NSMCE4A: variants seen among roughly 807,000 people sequenced by gnomAD.
NSMCE4A encodes non-structural maintenance of chromosomes element 4 homolog A.
NSMCE4A carries 40 observed loss-of-function variants against 47.9 expected under a neutral mutation model. That is an observed-to-expected ratio of 0.83 (90% CI 0.65 to 1.09). The LOEUF is 1.09. Among genes scored for constraint, NSMCE4A ranks in the 50% least tolerant of loss-of-function variants. The pLI, the probability that NSMCE4A is intolerant of heterozygous loss-of-function variation, is 0.00. For synonymous variants in NSMCE4A, 166 were observed against 178.5 expected, an observed-to-expected ratio of 0.93 and a Z score of 0.56; for missense variants, 500 against 507.0, an observed-to-expected ratio of 0.99 and a Z score of 0.13.
chr10:121,962,198 C>G (rs1952514341), intron 6 of NSMCE4A: 1 of 306,164 alleles, frequency 3.3e-6, no homozygotes, highest in Admixed American at 4.4e-5. Context: ...GTGGGTGGAT[C>G]ACAAGGTCAG....
intron 3 of NSMCE4A, among the ~76,000 whole-genome samples, chr10:121,969,524 A>C (rs1952668476): frequency 6.6e-6 from 1 of 151,536 alleles, no homozygotes; most frequent in Non-Finnish European, 1.5e-5. Context: ...AAAAAAGGAA[A>C]AGGTTTGAAA....
intron 5 of NSMCE4A, 129 bp downstream of exon 5, chr10:121,965,157 A>T: frequency 1.6e-6 from 1 of 615,468 alleles, no homozygotes; most frequent in Non-Finnish European, 2.9e-6. Flanking sequence ...AAATAAAATG[A>T]TTATTTAAGT....
At position 121,974,973 on chromosome 10, in the gene NSMCE4A, C is replaced by T. The variant is rs770128974; in HGVS notation, c.193G>A (p.Asp65Asn). 4 of 1,526,576 alleles carry T rather than the reference C, an allele frequency of 2.6e-6. No homozygotes were observed. In the East Asian group the frequency reaches 8.2e-5, roughly 31 times the overall value. The allele number at this position is 1,526,576 out of a possible 1,614,324, so 94.6% of individuals were successfully genotyped here. A position where few individuals can be genotyped will look rare whatever the true frequency, so the allele number is the denominator to read the frequency against. Residue 65 changes from aspartate to asparagine, a missense_variant, in exon 1 of 11, where the codon GAC becomes AAC. Asp to Asn is a conservative substitution (Grantham distance 23). Transcript: ENST00000369023. Reference protein sequence around the residue: ...LEDTEPSDSGDEMMDPASLEA... With the variant: ...LEDTEPSDSGNEMMDPASLEA... ...AAGCTGGCCGGGTCCATCATCTCGTCCCCGGAATCCGACGGCTCTGTGTCC... is the reference window on the plus strand; with the variant it reads ...AAGCTGGCCGGGTCCATCATCTCGTTCCCGGAATCCGACGGCTCTGTGTCC...
chr10:121,963,010 T>C (rs1952530021), intron 6 of NSMCE4A, among the ~76,000 whole-genome samples: 1 of 152,226 alleles, frequency 6.6e-6, no homozygotes, highest in Non-Finnish European at 1.5e-5. Flanking sequence ...CTCACTTGAA[T>C]GGCATATTTC....
chr10:121,959,425 T>C lies in NSMCE4A; in HGVS notation c.1084-15A>G. 6.2e-7 allele frequency: 1 copy of C among 1,614,056 alleles called. No homozygotes were observed. The highest frequency in any genetic ancestry group is 8.5e-7 in the Non-Finnish European group (1 of 1,179,928). The stretch of plus-strand genomic sequence containing the variant: ...TTCACAATCTCCTGGCAGACAATAA[T>C]GAACATTTAGGCACTGGGCTTACTG... On this transcript the variant is annotated splice_polypyrimidine_tract_variant and intron_variant, in intron 9 of 10. Transcript: ENST00000369023.
chr10:121,972,363 A>G (rs553807074), intron 2 of NSMCE4A, among the ~76,000 whole-genome samples: 29 of 152,246 alleles, frequency 1.9e-4, no homozygotes, highest in Admixed American at 1.6e-3. Flanking sequence ...GGGTCTGATT[A>G]AGCAACCCCC....
chr10:121,961,493 T>A lies in NSMCE4A; in HGVS notation c.869A>T (p.Asp290Val). 1 of 1,564,126 alleles carries A rather than the reference T, an allele frequency of 6.4e-7. No homozygotes were observed. Among genetic ancestry groups the A allele is most frequent in the Non-Finnish European group, 8.6e-7 (1 of 1,165,402 alleles). ...EDPDTPMSFF[D>V]FVVDPHSFPR... ...GAAAGAATGAGGATCAACCACAAAG[T>A]CAAAGAAGGACATTGGGGTATCAGC... Residue 290 changes from aspartate (D) to valine (V), a missense_variant, in exon 7 of 11, where the codon GAC becomes GTC. Coordinates refer to ENST00000369023, the MANE Select transcript of NSMCE4A (RefSeq NM_017615.3).
intron 5 of NSMCE4A, among the ~76,000 whole-genome samples, chr10:121,964,513 G>A (rs1029371660): frequency 4.0e-5 from 6 of 151,864 alleles, no homozygotes; most frequent in African/African-American, 9.7e-5. Context: ...GCATGATCTC[G>A]GCTCAGTGCA....
intron 6 of NSMCE4A, chr10:121,961,790 A>G (rs751637938): frequency 3.0e-5 from 10 of 337,102 alleles, no homozygotes; most frequent in Non-Finnish European, 5.3e-5. Context: ...AATTTATACA[A>G]GAGTAAAATG....
rs1476458505 is a variant in NSMCE4A at position 121,960,928 on chromosome 10, AG to A, written c.939+494del. 6.6e-6 allele frequency among the ~76,000 whole-genome samples: 1 copy of A among 152,206 alleles called. No homozygotes were observed. The highest frequency in any genetic ancestry group is 2.4e-5 in the African/African-American group (1 of 41,458). ...AATTTTGAAATAATTTCAGACTTAA[AG>A]GGCTATAAGACTACTATAAACACGT... On this transcript the variant is annotated intron_variant, in intron 7 of 10. Transcript: ENST00000369023. The surrounding 1 kb of genome is among the most constrained non-coding windows in gnomAD (Gnocchi z 4.2).
At chr10:121,961,626 G>C (rs1175313975) in intron 6 of NSMCE4A, 109 bp from the exon 7 acceptor site, 1 of 649,500 alleles carries the variant, frequency 1.5e-6, no homozygotes, top group Non-Finnish European at 2.5e-6. Context: ...CCTGCTGCAG[G>C]AGTGCAAATC....
At chr10:121,958,616 G>C (rs983634274) in intron 10 of NSMCE4A, among the ~76,000 whole-genome samples, 2 of 152,168 alleles carry the variant, frequency 1.3e-5, no homozygotes, top group East Asian at 1.9e-4. Flanking sequence ...CAGTTTGTTG[G>C]GGGAAAAGCA....
chr10:121,970,807 A>C, intron 3 of NSMCE4A, 132 bp downstream of exon 3: 1 of 744,250 alleles, frequency 1.3e-6, no homozygotes, highest in Non-Finnish European at 2.0e-6. Flanking sequence ...AATTGGTAAG[A>C]TCTCTACAGA....
chr10:121,965,175 C>A, intron 5 of NSMCE4A, 111 bp downstream of exon 5: 1 of 618,022 alleles, frequency 1.6e-6, no homozygotes, highest in Non-Finnish European at 2.8e-6. Context: ...AGTGACAAAA[C>A]CTGGCTCCAG....
In NSMCE4A at chr10:121,960,052, A is replaced by G. The variant is rs1952470426; in HGVS notation, c.988+306T>C. 1.1e-5 allele frequency: 3 copies of G among 284,648 alleles called. No individual in the cohort carries two copies. The highest frequency in any genetic ancestry group is 6.6e-5 in the African/African-American group (3 of 45,390). The allele number at this position is 284,648 out of a possible 1,614,324, so 17.6% of individuals were successfully genotyped here. A position where few individuals can be genotyped will look rare whatever the true frequency, so the allele number is the denominator to read the frequency against. On this transcript the variant is annotated intron_variant, in intron 8 of 10. Coordinates refer to ENST00000369023, the MANE Select transcript of NSMCE4A (RefSeq NM_017615.3). This position sits in a 1 kb window ranked among gnomAD's most constrained non-coding sequence, Gnocchi z 4.2. ...AAAGAAGGTGCCGGCATCTGACAAA[A>G]CGTGATTAGAAAGAGGGATACTACA...
intron 3 of NSMCE4A, among the ~76,000 whole-genome samples, chr10:121,968,379 A>G (rs1952645477): frequency 6.6e-6 from 1 of 152,244 alleles, no homozygotes; most frequent in South Asian, 2.1e-4. Flanking sequence ...CTGCACTAAC[A>G]TATAAATATA....
intron 1 of NSMCE4A, 92 bp downstream of exon 1, chr10:121,974,782 G>T: frequency 8.3e-7 from 1 of 1,199,940 alleles, no homozygotes; most frequent in South Asian, 4.1e-5. Context: ...GCCTCCGCCC[G>T]GCACCTGCCT....
At chr10:121,967,356 C>T (rs797002210) in intron 4 of NSMCE4A, 44 of 276,106 alleles carry the variant, frequency 1.6e-4, no homozygotes, top group Middle Eastern at 1.1e-3. Flanking sequence ...GCCACTACAG[C>T]GGGCTAATTT....
chr10:121,962,140 C>T (rs777711431), intron 6 of NSMCE4A: 13 of 366,446 alleles, frequency 3.5e-5, no homozygotes, highest in South Asian at 8.0e-5. Flanking sequence ...GGAACTTGGC[C>T]GGGCGCGGTG....
Sources: allele counts gnomAD v4.1 joint callset (sites outside exome capture counted in the v4.1 genomes callset), GRCh38; gene constraint gnomAD v4.1.1; non-coding constraint Gnocchi (gnomAD v3.1); transcripts MANE v1.5; gene names NCBI Gene and HGNC (gene_info 2026-07-23, HGNC 2026-07-21).